Variants in CTXND2 observed in about 807,000 individuals in gnomAD.
The protein encoded by CTXND2 is cortexin domain containing 2.
chr1:150,912,613 C>T, exon 2 of CTXND2: 1 of 396,854 alleles, frequency 2.5e-6, no homozygotes, highest in Non-Finnish European at 4.4e-6. Flanking sequence ...AAACACAAGC[C>T]AGTTTGTATT....
At chr1:150,907,834 C>A (rs993329207) in intron 1 of CTXND2, among the ~76,000 whole-genome samples, 1 of 151,552 alleles carries the variant, frequency 6.6e-6, no homozygotes, top group South Asian at 2.1e-4. Flanking sequence ...CTCAGCCTCC[C>A]GAGTAGCTGG....
chr1:150,905,086 AC>A (rs1408018146), intron 1 of CTXND2, among the ~76,000 whole-genome samples: 1 of 150,316 alleles, frequency 6.7e-6, no homozygotes, highest in Non-Finnish European at 1.5e-5. Context: ...ACACACACAC[AC>A]ACACACACAC....
intron 1 of CTXND2, among the ~76,000 whole-genome samples, chr1:150,906,988 G>T (rs923294804): frequency 4.6e-5 from 7 of 152,018 alleles, no homozygotes; most frequent in African/African-American, 7.3e-5. Context: ...AGTAAGACCA[G>T]GTCACCTACT....
In CTXND2 at chr1:150,901,704, G is replaced by A. The variant is rs183695392; in HGVS notation, c.-73-10538G>A. ...CCGAGGCGGGCAGATCATGAGGTCA[G>A]GAGATCAAGACCATCCTGGCTAACA... On this transcript the variant is annotated intron_variant, in intron 1 of 1. Transcript: ENST00000636087. Among the ~76,000 whole-genome samples the A allele has an allele frequency of 6.6e-5, 10 of 151,352 alleles. No individual in the cohort carries two copies. In the East Asian group the frequency reaches 2.0e-3, roughly 30 times the overall value.
At chr1:150,897,242 G>A (rs1041704885) in intron 1 of CTXND2, among the ~76,000 whole-genome samples, 2 of 152,210 alleles carry the variant, frequency 1.3e-5, no homozygotes, top group Non-Finnish European at 1.5e-5. Flanking sequence ...CAGGAAATCA[G>A]AGTGTATTTA....
intron 1 of CTXND2, among the ~76,000 whole-genome samples, chr1:150,899,818 G>A (rs1007546284): frequency 1.3e-5 from 2 of 152,174 alleles, no homozygotes; most frequent in South Asian, 4.1e-4. Flanking sequence ...CCAGCCAGGT[G>A]TGATAGTGAG....
chr1:150,892,112 A>G (rs1219966257), intron 1 of CTXND2, among the ~76,000 whole-genome samples: 4 of 152,216 alleles, frequency 2.6e-5, no homozygotes, highest in Non-Finnish European at 4.4e-5. Flanking sequence ...TTCAGGCTGA[A>G]TAAGTCTAGT....
chr1:150,903,288 AT>A (rs1669075605), intron 1 of CTXND2, among the ~76,000 whole-genome samples: 1 of 151,764 alleles, frequency 6.6e-6, no homozygotes, highest in Non-Finnish European at 1.5e-5. Context: ...TGCGTATATA[AT>A]TTTATTATAA....
chr1:150,891,237 C>T (rs1053617175), intron 1 of CTXND2, among the ~76,000 whole-genome samples: 15 of 150,616 alleles, frequency 1.0e-4, no homozygotes, highest in Non-Finnish European at 2.2e-4. Flanking sequence ...TTTTGTGAGA[C>T]GGAGTCTCGC....
intron 1 of CTXND2, among the ~76,000 whole-genome samples, chr1:150,905,466 C>A (rs1669125764): frequency 6.6e-6 from 1 of 152,032 alleles, no homozygotes; most frequent in South Asian, 2.1e-4. Context: ...ATTCCATCTG[C>A]ACATCTGGGA....
chr1:150,902,626 T>C (rs1669060828), intron 1 of CTXND2, among the ~76,000 whole-genome samples: 1 of 151,918 alleles, frequency 6.6e-6, no homozygotes, highest in African/African-American at 2.4e-5. Flanking sequence ...TGAAATGGAA[T>C]GGAAAGAATG....
intron 1 of CTXND2, among the ~76,000 whole-genome samples, chr1:150,910,637 T>C (rs1669239013): frequency 6.6e-6 from 1 of 150,460 alleles, no homozygotes; most frequent in African/African-American, 2.4e-5. Context: ...TCAATTTTTT[T>C]TTTTTTTTTT....
chr1:150,893,984 C>CT (rs35020008), intron 1 of CTXND2, among the ~76,000 whole-genome samples: 53,000 of 150,142 alleles, frequency 0.35, 9,648 homozygotes, highest in South Asian at 0.53. Flanking sequence ...TCTTTTTTTT[C>CT]TTTTTTTTTA....
At chr1:150,896,495 T>C (rs1487572970) in intron 1 of CTXND2, among the ~76,000 whole-genome samples, 13 of 152,244 alleles carry the variant, frequency 8.5e-5, no homozygotes. Context: ...GCTGCTATTC[T>C]ACTTCTCTTC....
intron 1 of CTXND2, among the ~76,000 whole-genome samples, chr1:150,905,057 G>GA (rs1462208851): frequency 9.4e-5 from 7 of 74,646 alleles, no homozygotes; most frequent in Non-Finnish European, 1.8e-4. Flanking sequence ...TAATCAAAAA[G>GA]AAAACCACAC....
chr1:150,901,192 C>G lies in CTXND2; in HGVS notation c.-73-11050C>G, dbSNP rs587624659. On this transcript the variant is annotated intron_variant, in intron 1 of 1. Transcript: ENST00000636087. ...AAAATAGGAATACATTTAAGAAAAGCAATGCAAAATGTATTCTTTGGAAGC... is the reference window on the plus strand; with the variant it reads ...AAAATAGGAATACATTTAAGAAAAGGAATGCAAAATGTATTCTTTGGAAGC... Among the ~76,000 whole-genome samples, 11 of 129,696 alleles carry G rather than the reference C, an allele frequency of 8.5e-5. No homozygotes were observed. The South Asian group carries it at 2.5e-3, about 29-fold the overall frequency. The allele number at this position is 129,696 out of a possible 152,430, so 85.1% of individuals were successfully genotyped here. A position where few individuals can be genotyped will look rare whatever the true frequency, so the allele number is the denominator to read the frequency against.
chr1:150,904,084 T>A (rs1021573348), intron 1 of CTXND2: 32 of 664,958 alleles, frequency 4.8e-5, no homozygotes, highest in Middle Eastern at 2.6e-4. Flanking sequence ...GGGGAGAGGA[T>A]ACGCTGATGG....
At chr1:150,912,988 A>T (rs1381742634) in exon 2 of CTXND2, 3 of 152,170 alleles carry the variant, frequency 2.0e-5, no homozygotes, top group Non-Finnish European at 4.4e-5. Context: ...CTGTGGGTGA[A>T]TTCCTTAATC....
At chr1:150,903,953 A>G (rs1669090009) in intron 1 of CTXND2, 4 of 650,472 alleles carry the variant, frequency 6.1e-6, no homozygotes, top group Non-Finnish European at 1.2e-5. Flanking sequence ...CCAGTGTCAC[A>G]CCGTGGAAAA....
Sources: gnomAD v4.1 joint callset for allele counts (sites outside exome capture counted in the v4.1 genomes callset) on GRCh38, gnomAD v4.1.1 for gene constraint, MANE v1.5 for transcripts, NCBI Gene and HGNC (gene_info 2026-07-23, HGNC 2026-07-21) for gene names.